The following SLC25A26 variants were observed in gnomAD, a reference collection of about 807,000 sequenced individuals.
SLC25A26 encodes mitochondrial S-adenosylmethionine carrier protein.
Under a neutral mutation model 37.8 loss-of-function variants are expected in SLC25A26, and 36 were observed. The ratio of observed to expected loss-of-function variants is 0.95; its 90% CI spans 0.73 to 1.26. SLC25A26 has a LOEUF of 1.26. Ranked by LOEUF, SLC25A26 falls within the 50% of genes most tolerant of loss-of-function variation. The pLI is 0.00. For synonymous variants in SLC25A26, 129 were observed against 122.5 expected (o/e 1.05, Z -0.35); for missense variants, 390 against 331.1 (o/e 1.18, Z -1.38).
At chr3:66,369,637 A>C (rs1046130504) in intron 8 of SLC25A26, 95 bp downstream of exon 8, 15 of 1,068,610 alleles carry the variant, frequency 1.4e-5, no homozygotes, top group Middle Eastern at 2.0e-4. Context: ...AATGGCTACC[A>C]TTTACCTGTA....
intron 1 of SLC25A26, among the ~76,000 whole-genome samples, chr3:66,192,305 G>A: frequency 9.6e-6 from 1 of 104,170 alleles, no homozygotes; most frequent in African/African-American, 4.0e-5. Context: ...AACAGAGCAA[G>A]ACTCCATGTC....
At chr3:66,334,925 T>C (rs1414815701) in intron 5 of SLC25A26, among the ~76,000 whole-genome samples, 2 of 152,218 alleles carry the variant, frequency 1.3e-5, no homozygotes, top group Non-Finnish European at 2.9e-5. Context: ...CTGATACTTA[T>C]TTTTCCTACC....
At chr3:66,246,991 C>A (rs1168182540) in intron 3 of SLC25A26, among the ~76,000 whole-genome samples, 2 of 151,932 alleles carry the variant, frequency 1.3e-5, no homozygotes, top group Non-Finnish European at 2.9e-5. Flanking sequence ...CCTCCCGAGT[C>A]GCTGGGACTA....
chr3:66,143,940 CCTT>C (rs2070076186), intron 1 of SLC25A26, among the ~76,000 whole-genome samples: 1 of 152,032 alleles, frequency 6.6e-6, no homozygotes. Context: ...AGTGGGGAGT[CCTT>C]CTAAGTAGGC....
intron 1 of SLC25A26, among the ~76,000 whole-genome samples, chr3:66,235,045 G>A (rs139968873): frequency 0.011 from 1,623 of 152,016 alleles, 30 homozygotes; most frequent in African/African-American, 0.037. Flanking sequence ...TGATCTTTTC[G>A]TATCAGAACA....
At chr3:66,323,055 A>G (rs1458277403) in intron 5 of SLC25A26, among the ~76,000 whole-genome samples, 2 of 148,974 alleles carry the variant, frequency 1.3e-5, no homozygotes, top group East Asian at 3.8e-4. Context: ...TTTTTGAAGT[A>G]GGAATGTACT....
intron 5 of SLC25A26, among the ~76,000 whole-genome samples, chr3:66,281,361 A>G (rs6778508): frequency 0.064 from 9,748 of 152,262 alleles, 1,031 homozygotes; most frequent in African/African-American, 0.22. Flanking sequence ...TTTGAGAACA[A>G]GTGATTATCC....
chr3:66,169,608 G>A (rs2070468254), intron 1 of SLC25A26, among the ~76,000 whole-genome samples: 1 of 152,126 alleles, frequency 6.6e-6, no homozygotes, highest in Non-Finnish European at 1.5e-5. Context: ...TCAGCTCCAT[G>A]ACAAGGGCCT....
intron 5 of SLC25A26, among the ~76,000 whole-genome samples, chr3:66,265,235 A>G (rs1382883291): frequency 6.6e-6 from 1 of 152,074 alleles, no homozygotes; most frequent in African/African-American, 2.4e-5. Context: ...TGAGCCTGGG[A>G]TGTCGAGGCT....
chr3:66,334,072 A>G (rs556139689), intron 5 of SLC25A26, among the ~76,000 whole-genome samples: 37 of 152,292 alleles, frequency 2.4e-4, no homozygotes, highest in African/African-American at 8.2e-4. Flanking sequence ...TCTTTTGTCT[A>G]GACTTAACAA....
chr3:66,161,446 G>A (rs2070357373), intron 1 of SLC25A26, among the ~76,000 whole-genome samples: 2 of 152,146 alleles, frequency 1.3e-5, no homozygotes, highest in South Asian at 2.1e-4. Context: ...CAGAAATGGT[G>A]AGCCACAGAA....
At chr3:66,266,571 T>C (rs931337627) in intron 5 of SLC25A26, among the ~76,000 whole-genome samples, 50 of 147,224 alleles carry the variant, frequency 3.4e-4, no homozygotes, top group African/African-American at 1.2e-3. Context: ...GTGAATGTTG[T>C]CACACTTTTT....
intron 6 of SLC25A26, among the ~76,000 whole-genome samples, chr3:66,347,654 G>T (rs1348672272): frequency 2.0e-5 from 3 of 152,160 alleles, no homozygotes; most frequent in African/African-American, 7.2e-5. Context: ...AAATCATTCT[G>T]TTATAAAGAT....
At chr3:66,292,057 C>A (rs7629895) in intron 5 of SLC25A26, among the ~76,000 whole-genome samples, 1,697 of 152,086 alleles carry the variant, frequency 0.011, 39 homozygotes, top group African/African-American at 0.039. Flanking sequence ...TACATAATGC[C>A]CTTCTTTGTC....
At chr3:66,209,474 G>C (rs967556712) in intron 1 of SLC25A26, among the ~76,000 whole-genome samples, 34,687 of 137,122 alleles carry the variant, frequency 0.25, 4,740 homozygotes, top group African/African-American at 0.36. Flanking sequence ...TATATATAAA[G>C]GTGTATACAT....
chr3:66,316,529 C>T (rs1286855699), intron 5 of SLC25A26, among the ~76,000 whole-genome samples: 1 of 152,130 alleles, frequency 6.6e-6, no homozygotes, highest in Non-Finnish European at 1.5e-5. Context: ...CGGCCTTTCT[C>T]TCTGGCTGCC....
At chr3:66,260,781 A>G (rs73833432) in intron 3 of SLC25A26, among the ~76,000 whole-genome samples, 180 of 152,288 alleles carry the variant, frequency 1.2e-3, no homozygotes, top group African/African-American at 3.9e-3. Context: ...CAAACTTTTA[A>G]TTTATATATT....
In SLC25A26 at chr3:66,263,319, G is replaced by T; in HGVS notation, c.406-13G>T. 6.2e-7 allele frequency: 1 copy of T among 1,608,958 alleles called. No homozygotes were observed. Among genetic ancestry groups the T allele is most frequent in the Non-Finnish European group, 8.5e-7 (1 of 1,176,190 alleles). ...CCATTCTTTCTGAACTCTCGGCTGT[G>T]TGTTTGTTTCAGGGTATCCAAGGGT... On this transcript the variant is annotated splice_polypyrimidine_tract_variant and intron_variant, in intron 4 of 9. Transcript: ENST00000354883.
At chr3:66,376,059 T>C (rs1046039808) in intron 9 of SLC25A26, among the ~76,000 whole-genome samples, 5 of 146,498 alleles carry the variant, frequency 3.4e-5, no homozygotes, top group African/African-American at 1.3e-4. Flanking sequence ...ACATACTAGA[T>C]GTACTGGAAA....
Sources: allele counts gnomAD v4.1 joint callset (sites outside exome capture counted in the v4.1 genomes callset), GRCh38; gene constraint gnomAD v4.1.1; transcripts MANE v1.5; gene names NCBI Gene and HGNC (gene_info 2026-07-23, HGNC 2026-07-21).